Variants in LYAR observed in about 807,000 individuals in gnomAD.
LYAR encodes the protein Ly1 antibody reactive.
Under a neutral mutation model 45.2 loss-of-function variants are expected in LYAR, and 37 were observed. The ratio of observed to expected loss-of-function variants is 0.82; its 90% CI spans 0.63 to 1.08. LYAR has a LOEUF of 1.08. Among genes scored for constraint, LYAR ranks in the 50% least tolerant of loss-of-function variants. The pLI, the probability that LYAR is intolerant of heterozygous loss-of-function variation, is 0.00. For missense variants in LYAR, 493 were observed against 451.0 expected (o/e 1.09, Z -0.84); for synonymous variants, 176 against 155.1 (o/e 1.14, Z -1.00).
chr4:4,274,232 G>A lies in LYAR; in HGVS notation c.832+135C>T, dbSNP rs971951310. 36 of 1,022,390 alleles carry A rather than the reference G, an allele frequency of 3.5e-5. 2 individuals carry two copies. In the Middle Eastern group the frequency reaches 7.1e-4, roughly 20 times the overall value. The allele number at this position is 1,022,390 out of a possible 1,614,324, so 63.3% of individuals were successfully genotyped here. A position where few individuals can be genotyped will look rare whatever the true frequency, so the allele number is the denominator to read the frequency against. On this transcript the variant is annotated intron_variant, in intron 7 of 9. Transcript: ENST00000343470. ...AGCCTGGGCAACAGAGCAAGACTCC[G>A]TCTCAAAAAAAACAAAAAAAAAAAA... is the stretch of plus-strand genomic sequence containing the variant.
chr4:4,267,978 C>A lies in LYAR; in HGVS notation c.1051G>T (p.Glu351Ter). 6.2e-7 allele frequency: 1 copy of A among 1,612,528 alleles called. No individual in the cohort carries two copies. Among genetic ancestry groups the A allele is most frequent in the Non-Finnish European group, 8.5e-7 (1 of 1,179,610 alleles). The change falls in exon 10 of 10, where the codon GAA (glutamate) becomes TAA (stop). Residue 351 changes from glutamate (E) to a stop codon, truncating the protein, a stop_gained. Transcript: ENST00000343470. LOFTEE classifies it high-confidence loss of function. ...YTVTDEHHRS[E>*]EELLVIFNKK... is the part of the protein sequence containing the mutation. ...TTAAAGATGACCAGGAGTTCCTCTT[C>A]GGATCTGTGATGCTCATCTGTCACT...
chr4:4,283,509 G>C, intron 3 of LYAR, 112 bp downstream of exon 3: 1 of 1,143,770 alleles, frequency 8.7e-7, no homozygotes, highest in Non-Finnish European at 1.2e-6. Flanking sequence ...CCAGTTTTTA[G>C]TCTTAATTTC....
chr4:4,288,626 C>T (rs1203783596), intron 1 of LYAR, among the ~76,000 whole-genome samples: 1 of 152,012 alleles, frequency 6.6e-6, no homozygotes, highest in Non-Finnish European at 1.5e-5. Flanking sequence ...GCTGGGATTA[C>T]AGGCACATGC....
In LYAR at chr4:4,274,395, T is replaced by A. The variant is rs1560092614; in HGVS notation, c.804A>T (p.Ala268=). Residue 268 remains alanine, a synonymous_variant, in exon 7 of 10, where the codon GCA becomes GCT. Transcript: ENST00000343470. ...SASEEEARVG[A]GKRKRRHSEV... ...CCGAGTGCCTCCGCTTCCTCTTCCC[T>A]GCGCCCACGCGTGCCTCTTCCTCAC... 1 of 1,613,240 alleles carries A rather than the reference T, an allele frequency of 6.2e-7. No homozygotes were observed. The highest frequency in any genetic ancestry group is 8.5e-7 in the Non-Finnish European group (1 of 1,179,526).
At chr4:4,271,130 C>T (rs1435458560) in intron 8 of LYAR, among the ~76,000 whole-genome samples, 1 of 151,942 alleles carries the variant, frequency 6.6e-6, no homozygotes, top group African/African-American at 2.4e-5. Context: ...TTCTTGATAC[C>T]CATTAACCAT....
rs747064917 is a variant in LYAR at position 4,274,787 on chromosome 4, G to A, written c.430-18C>T. 6.3e-7 allele frequency: 1 copy of A among 1,574,948 alleles called. No homozygotes were observed. The highest frequency in any genetic ancestry group is 1.2e-5 in the South Asian group (1 of 83,950). On this transcript the variant is annotated intron_variant, in intron 6 of 9. Coordinates refer to ENST00000343470, the MANE Select transcript of LYAR (RefSeq NM_017816.3). ...ACTGGTTCCTTATCATTAAGCAAAA[G>A]CAAGAAACACATATTCATTTTAAAT... is the stretch of plus-strand genomic sequence containing the variant.
At chr4:4,282,952 T>C (rs1020041379) in intron 3 of LYAR, among the ~76,000 whole-genome samples, 1 of 152,158 alleles carries the variant, frequency 6.6e-6, no homozygotes, top group African/African-American at 2.4e-5. Flanking sequence ...GTGATGGGCA[T>C]GTGATACCCA....
intron 1 of LYAR, among the ~76,000 whole-genome samples, chr4:4,286,917 C>T (rs985718577): frequency 1.3e-5 from 2 of 152,010 alleles, no homozygotes; most frequent in African/African-American, 4.8e-5. Flanking sequence ...TCCCAAAGTG[C>T]TGGGATTACA....
intron 8 of LYAR, among the ~76,000 whole-genome samples, chr4:4,272,266 A>G (rs975323166): frequency 3.3e-5 from 5 of 152,210 alleles, no homozygotes; most frequent in Admixed American, 6.5e-5. Context: ...CTGAGTCTCC[A>G]TTATTTCTTA....
chr4:4,278,073 A>T (rs1318459688), intron 6 of LYAR, among the ~76,000 whole-genome samples: 1 of 152,254 alleles, frequency 6.6e-6, no homozygotes, highest in Non-Finnish European at 1.5e-5. Context: ...CTGCAGTTGA[A>T]GCAATTTCAA....
At chr4:4,275,234 G>T (rs1448998142) in intron 6 of LYAR, among the ~76,000 whole-genome samples, 1 of 152,162 alleles carries the variant, frequency 6.6e-6, no homozygotes, top group African/African-American at 2.4e-5. Context: ...TAAAATGAAA[G>T]GTAGTAATAC....
rs967416952 is a variant in LYAR, at chr4:4,286,523, A to T, written c.-58T>A. 5 of 152,250 alleles carry T rather than the reference A, an allele frequency of 3.3e-5. No homozygotes were observed. The highest frequency in any genetic ancestry group is 4.4e-5 in the Non-Finnish European group (3 of 68,054). The allele number at this position is 152,250 out of a possible 1,614,324, so 9.4% of individuals were successfully genotyped here. On this transcript the variant is annotated 5_prime_UTR_variant, in exon 2 of 10. Coordinates refer to ENST00000343470, the MANE Select transcript of LYAR (RefSeq NM_017816.3). Reference sequence around the variant, plus strand: ...ATGTAAATACTACAAACTTACAAAAAGCCGTCATGTAGAAATTCAGTCACT... The same window carrying T: ...ATGTAAATACTACAAACTTACAAAATGCCGTCATGTAGAAATTCAGTCACT...
chr4:4,274,441 T>C lies in LYAR; in HGVS notation c.758A>G (p.Lys253Arg). Residue 253 changes from lysine to arginine, a missense_variant, in exon 7 of 10, where the codon AAG becomes AGG. By Grantham distance (26) the Lys-to-Arg change is conservative. Transcript: ENST00000343470. ...CTCACTGGCGCTGTCCTTGCGCTGC[T>C]TCTTCTTCTTGCTCCTCTTCCCTGC... ...GSAGKRSKKK[K>R]QRKDSASEEE... 6.2e-7 allele frequency: 1 copy of C among 1,613,960 alleles called. No individual in the cohort carries two copies. Among genetic ancestry groups the C allele is most frequent in the Non-Finnish European group, 8.5e-7 (1 of 1,179,894 alleles).
Position 4,267,777 on chromosome 4 carries a change from A to C in LYAR, c.*112T>G. On this transcript the variant is annotated 3_prime_UTR_variant, in exon 10 of 10. Coordinates refer to ENST00000343470, the MANE Select transcript of LYAR (RefSeq NM_017816.3). ...AAAAATATATTTTCTTAACTTAAAA[A>C]TACAGCTTCAAAAAGCAAAATTTGA... is the stretch of plus-strand genomic sequence containing the variant. 2 of 711,864 alleles carry C rather than the reference A, an allele frequency of 2.8e-6. No homozygotes were observed. Among genetic ancestry groups the C allele is most frequent in the Admixed American group, 7.3e-5 (2 of 27,258 alleles). The allele number at this position is 711,864 out of a possible 1,614,324, so 44.1% of individuals were successfully genotyped here. A position where few individuals can be genotyped will look rare whatever the true frequency, so the allele number is the denominator to read the frequency against.
intron 1 of LYAR, among the ~76,000 whole-genome samples, chr4:4,287,201 A>G (rs1182632032): frequency 1.3e-5 from 2 of 152,164 alleles, no homozygotes; most frequent in African/African-American, 4.8e-5. Flanking sequence ...GCGCAGCCAG[A>G]GAGATTCTAC....
intron 8 of LYAR, 126 bp downstream of exon 8, chr4:4,273,457 T>C: frequency 1.5e-6 from 1 of 658,316 alleles, no homozygotes; most frequent in Non-Finnish European, 2.7e-6. Flanking sequence ...GGTACGCCCA[T>C]GGCTCACTAC....
intron 8 of LYAR, among the ~76,000 whole-genome samples, chr4:4,270,038 G>C (rs1396941625): frequency 6.6e-6 from 1 of 152,006 alleles, no homozygotes; most frequent in Non-Finnish European, 1.5e-5. Flanking sequence ...GGGCAACACT[G>C]CAAGACCTCC....
chr4:4,285,370 C>T (rs1261433884), intron 2 of LYAR, among the ~76,000 whole-genome samples: 1 of 152,182 alleles, frequency 6.6e-6, no homozygotes, highest in Admixed American at 6.6e-5. Flanking sequence ...CTCCTGGGAG[C>T]TGGAATCACG....
In LYAR at chr4:4,285,525, G is replaced by C. The variant is rs185664138; in HGVS notation, c.-54+994C>G. Among the ~76,000 whole-genome samples the C allele has an allele frequency of 3.3e-3, 498 of 152,314 alleles. 4 individuals carry two copies. Among genetic ancestry groups the C allele is most frequent in the African/African-American group, 0.011 (477 of 41,566 alleles). The stretch of plus-strand genomic sequence containing the variant: ...AGAGCCAACATCACATTCTCAAAGA[G>C]CATGGAGGTGCACTTTGGTGTAAGA... On this transcript the variant is annotated intron_variant, in intron 2 of 9. Transcript: ENST00000343470.
Sources: allele counts gnomAD v4.1 joint callset (sites outside exome capture counted in the v4.1 genomes callset), GRCh38; gene constraint gnomAD v4.1.1; transcripts MANE v1.5; gene names NCBI Gene and HGNC (gene_info 2026-07-23, HGNC 2026-07-21).